PPP2R2B: variants seen among roughly 807,000 people sequenced by gnomAD.
PPP2R2B encodes protein phosphatase 2 regulatory subunit Bbeta, also known as serine/threonine-protein phosphatase 2A 55 kDa regulatory subunit B beta isoform.
A neutral mutation model predicts 46.0 loss-of-function variants in PPP2R2B; 5 were observed. The ratio of observed to expected loss-of-function variants is 0.11; its 90% CI spans 0.06 to 0.23. The LOEUF is 0.23. Among genes scored for constraint, PPP2R2B ranks in the 10% least tolerant of loss-of-function variants. The pLI is 1.00. For missense variants in PPP2R2B, 367 were observed against 575.0 expected, an observed-to-expected ratio of 0.64 and a Z score of 3.70; for synonymous variants, 215 against 206.7, an observed-to-expected ratio of 1.04 and a Z score of -0.34.
intron 1 of PPP2R2B, among the ~76,000 whole-genome samples, chr5:146,951,993 T>TA (rs984559773): frequency 5.3e-5 from 8 of 150,438 alleles, no homozygotes; most frequent in Non-Finnish European, 1.2e-4. Context: ...TTTTTTTTTT[T>TA]AAAGCTCCTC....
chr5:146,764,937 T>C (rs1011114621), intron 2 of PPP2R2B, among the ~76,000 whole-genome samples: 1 of 152,104 alleles, frequency 6.6e-6, no homozygotes, highest in Non-Finnish European at 1.5e-5. Flanking sequence ...TCATATGTCA[T>C]TGCAGTACAA....
At chr5:146,760,580 G>A (rs1411130858) in intron 2 of PPP2R2B, among the ~76,000 whole-genome samples, 2 of 152,148 alleles carry the variant, frequency 1.3e-5, no homozygotes, top group African/African-American at 2.4e-5. Context: ...AAGCAAATAT[G>A]CTCTAGATTT....
intron 7 of PPP2R2B, among the ~76,000 whole-genome samples, chr5:146,608,880 C>T (rs1397030667): frequency 6.6e-6 from 1 of 152,192 alleles, no homozygotes; most frequent in Non-Finnish European, 1.5e-5. Flanking sequence ...GTCAATTCTA[C>T]TCCAACTGTT....
chr5:146,770,330 CAAAAAAAAAAAAAA>C (rs5871992), intron 2 of PPP2R2B, among the ~76,000 whole-genome samples: 10 of 60,062 alleles, frequency 1.7e-4, no homozygotes, highest in African/African-American at 4.0e-4. Flanking sequence ...GATTCCGTCT[CAAAAAAAAAAAAAA>C]AAAAAAAAAA....
At chr5:146,663,034 A>T in intron 5 of PPP2R2B, among the ~76,000 whole-genome samples, 1 of 152,200 alleles carries the variant, frequency 6.6e-6, no homozygotes, top group East Asian at 1.9e-4. Context: ...ACCTTTATGC[A>T]TAAAGAATTT....
intron 2 of PPP2R2B, among the ~76,000 whole-genome samples, chr5:146,807,706 C>T (rs1219370834): frequency 6.8e-6 from 1 of 147,624 alleles, no homozygotes; most frequent in African/African-American, 2.5e-5. Context: ...CTGACTCACA[C>T]CAGAGTATGT....
intron 1 of PPP2R2B, among the ~76,000 whole-genome samples, chr5:147,008,670 C>T (rs2151875540): frequency 6.6e-6 from 1 of 152,264 alleles, no homozygotes; most frequent in Middle Eastern, 3.4e-3. Flanking sequence ...TCCTCAACCC[C>T]ACCCCCCACT....
At chr5:146,774,852 T>C (rs1382128408) in intron 2 of PPP2R2B, among the ~76,000 whole-genome samples, 1 of 150,514 alleles carries the variant, frequency 6.6e-6, no homozygotes, top group Non-Finnish European at 1.5e-5. Flanking sequence ...GAGAATATTA[T>C]GAATAACTGT....
chr5:146,766,512 C>T (rs1754486467), intron 2 of PPP2R2B, among the ~76,000 whole-genome samples: 1 of 152,284 alleles, frequency 6.6e-6, no homozygotes, highest in East Asian at 1.9e-4. Flanking sequence ...AGGTAAAAAA[C>T]ACATAATTCC....
intron 2 of PPP2R2B, among the ~76,000 whole-genome samples, chr5:146,748,329 T>C (rs1386931865): frequency 1.3e-5 from 2 of 152,174 alleles, no homozygotes; most frequent in African/African-American, 2.4e-5. Flanking sequence ...AGAGTTACTA[T>C]GGAACATTCA....
At position 146,965,929 on chromosome 5, in the gene PPP2R2B, C is replaced by G. The variant is rs1303884656; in HGVS notation, c.79+89736G>C. Among the ~76,000 whole-genome samples the G allele has an allele frequency of 6.6e-5, 10 of 152,178 alleles. No homozygotes were observed. In the South Asian group the frequency reaches 1.9e-3, roughly 28 times the overall value. On this transcript the variant is annotated intron_variant, in intron 1 of 8. Coordinates refer to the PPP2R2B transcript ENST00000336640. ...CTTCATCTATAAAGTGGGAATCGTA[C>G]GACTCACTGCAAAGCTGGTACAGCA... is the stretch of plus-strand genomic sequence containing the variant.
intron 1 of PPP2R2B, among the ~76,000 whole-genome samples, chr5:146,981,303 C>A (rs1753165953): frequency 6.6e-6 from 1 of 152,058 alleles, no homozygotes; most frequent in African/African-American, 2.4e-5. Context: ...TTTTCTTAGT[C>A]CTCACAACTA....
At chr5:146,955,181 G>A (rs1230640948) in intron 1 of PPP2R2B, among the ~76,000 whole-genome samples, 2 of 152,104 alleles carry the variant, frequency 1.3e-5, no homozygotes, top group African/African-American at 4.8e-5. Flanking sequence ...ATACATTATT[G>A]TTGGAGCCTA....
intron 2 of PPP2R2B, among the ~76,000 whole-genome samples, chr5:146,780,922 T>C (rs1018406590): frequency 1.3e-5 from 2 of 151,884 alleles, no homozygotes. Flanking sequence ...TAGAACTGCA[T>C]AGAAGTAGAA....
chr5:146,932,466 TA>T (rs1411568588), intron 1 of PPP2R2B, among the ~76,000 whole-genome samples: 1 of 152,128 alleles, frequency 6.6e-6, no homozygotes, highest in Non-Finnish European at 1.5e-5. Flanking sequence ...CTCATGGTTT[TA>T]AAAGGAGCTT....
At chr5:146,863,514 C>T (rs1480563781) in intron 2 of PPP2R2B, among the ~76,000 whole-genome samples, 3 of 152,048 alleles carry the variant, frequency 2.0e-5, no homozygotes, top group African/African-American at 2.4e-5. Context: ...ATATTGCACC[C>T]CCAAATCTCC....
At chr5:146,699,804 T>C (rs528944643) in intron 3 of PPP2R2B, among the ~76,000 whole-genome samples, 2 of 152,050 alleles carry the variant, frequency 1.3e-5, no homozygotes, top group East Asian at 1.9e-4. Context: ...AATACATTTA[T>C]AAGAGTGTTG....
intron 1 of PPP2R2B, among the ~76,000 whole-genome samples, chr5:147,028,227 G>A (rs1029905079): frequency 2.6e-5 from 4 of 151,998 alleles, no homozygotes; most frequent in Non-Finnish European, 4.4e-5. Context: ...CTCATTTTTC[G>A]GATTCAGTAA....
chr5:146,706,666 T>A, intron 2 of PPP2R2B: 1 of 860,558 alleles, frequency 1.2e-6, no homozygotes. Flanking sequence ...AGGCCCTCAG[T>A]CTCAGCCTGG....
Sources: allele counts gnomAD v4.1 joint callset (sites outside exome capture counted in the v4.1 genomes callset), GRCh38; gene constraint gnomAD v4.1.1; transcripts MANE v1.5; gene names NCBI Gene and HGNC (gene_info 2026-07-23, HGNC 2026-07-21).